Variants in PXDNL observed in about 807,000 individuals in gnomAD.
The protein encoded by PXDNL is probable oxidoreductase PXDNL.
A neutral mutation model predicts 150.8 loss-of-function variants in PXDNL; 145 were observed. That is an observed-to-expected ratio of 0.96 (90% CI 0.84 to 1.10). PXDNL has a LOEUF of 1.10. Among genes scored for constraint, PXDNL ranks in the 50% least tolerant of loss-of-function variants. The probability of loss-of-function intolerance (pLI) is 0.00; values close to 1 mark genes in which losing one functional copy is unlikely to be tolerated. For missense variants in PXDNL, 2,087 were observed against 1,873.9 expected (o/e 1.11, Z -2.10); for synonymous variants, 757 against 725.7 (o/e 1.04, Z -0.69).
At chr8:51,520,348 G>A (rs944135429) in intron 4 of PXDNL, among the ~76,000 whole-genome samples, 3 of 152,128 alleles carry the variant, frequency 2.0e-5, no homozygotes, top group African/African-American at 4.8e-5. Context: ...TAGAAGGGGC[G>A]AGCGCTTTGA....
At chr8:51,507,711 C>A (rs1176902952) in intron 4 of PXDNL, among the ~76,000 whole-genome samples, 2 of 152,194 alleles carry the variant, frequency 1.3e-5, no homozygotes, top group Non-Finnish European at 2.9e-5. Flanking sequence ...CCCCCTCCAT[C>A]CTCCCAGGGA....
intron 19 of PXDNL, among the ~76,000 whole-genome samples, chr8:51,347,882 T>G (rs1204898812): frequency 4.6e-5 from 7 of 152,000 alleles, no homozygotes; most frequent in African/African-American, 1.5e-4. Flanking sequence ...TAATAACGCA[T>G]AAATATTTGC....
At chr8:51,420,069 T>A (rs1808907118) in intron 14 of PXDNL, among the ~76,000 whole-genome samples, 1 of 152,218 alleles carries the variant, frequency 6.6e-6, no homozygotes, top group Non-Finnish European at 1.5e-5. Flanking sequence ...AAATTTTATA[T>A]AATGCGTAGA....
chr8:51,612,674 C>A (rs1814038279), intron 2 of PXDNL, among the ~76,000 whole-genome samples: 3 of 152,176 alleles, frequency 2.0e-5, no homozygotes, highest in South Asian at 4.1e-4. Context: ...AGCTCCCTCC[C>A]CAATTCCACC....
intron 4 of PXDNL, among the ~76,000 whole-genome samples, chr8:51,551,453 A>T (rs1812481814): frequency 6.6e-6 from 1 of 152,208 alleles, no homozygotes; most frequent in Non-Finnish European, 1.5e-5. Flanking sequence ...CCAAAACGGC[A>T]TGGTACTACT....
intron 4 of PXDNL, among the ~76,000 whole-genome samples, chr8:51,524,555 T>C (rs899311253): frequency 1.3e-5 from 2 of 152,122 alleles, no homozygotes; most frequent in African/African-American, 4.8e-5. Flanking sequence ...TAATATGGAG[T>C]GAAGCACAAA....
At chr8:51,780,557 G>A (rs1042112491) in intron 1 of PXDNL, among the ~76,000 whole-genome samples, 2 of 151,896 alleles carry the variant, frequency 1.3e-5, no homozygotes, top group Non-Finnish European at 1.5e-5. Context: ...ACTACCATAC[G>A]CTGAGTAGCT....
chr8:51,603,299 T>G (rs940437074), intron 2 of PXDNL, among the ~76,000 whole-genome samples: 5 of 152,006 alleles, frequency 3.3e-5, no homozygotes, highest in African/African-American at 1.2e-4. Flanking sequence ...AAAATTTCCT[T>G]TGCATATTTT....
At chr8:51,492,672 G>A (rs1445229099) in intron 5 of PXDNL, among the ~76,000 whole-genome samples, 1 of 152,184 alleles carries the variant, frequency 6.6e-6, no homozygotes, top group Non-Finnish European at 1.5e-5. Flanking sequence ...CGCCCACGGA[G>A]CCTCTCTCAT....
chr8:51,658,206 G>A (rs1265343903), intron 1 of PXDNL, among the ~76,000 whole-genome samples: 1 of 151,910 alleles, frequency 6.6e-6, no homozygotes, highest in Non-Finnish European at 1.5e-5. Flanking sequence ...GCCAGGCATG[G>A]TGGTACACAC....
At chr8:51,565,562 TA>T (rs936156487) in intron 3 of PXDNL, among the ~76,000 whole-genome samples, 106 of 151,308 alleles carry the variant, frequency 7.0e-4, no homozygotes, top group African/African-American at 2.5e-3. Context: ...TGAATAAGTA[TA>T]AAAAAAAGAT....
intron 1 of PXDNL, among the ~76,000 whole-genome samples, chr8:51,662,021 C>G (rs972921945): frequency 6.6e-6 from 1 of 151,944 alleles, no homozygotes; most frequent in Non-Finnish European, 1.5e-5. Flanking sequence ...AAATTCCCAT[C>G]CCACATCTAC....
intron 1 of PXDNL, among the ~76,000 whole-genome samples, chr8:51,705,372 C>T (rs918269850): frequency 2.6e-5 from 4 of 152,204 alleles, no homozygotes; most frequent in African/African-American, 9.7e-5. Context: ...CCTTAGGTTA[C>T]TTGGTCTGGC....
Position 51,391,662 on chromosome 8 carries a change from C to T in PXDNL, c.3557+16405G>A, listed in dbSNP as rs192497532. ...GGCCCTCTGTCAGATGAGCAGGTTG[C>T]GAAAATTTTCTCCCATTTTGTATGT... On this transcript the variant is annotated intron_variant, in intron 17 of 22. Coordinates refer to ENST00000356297, the MANE Select transcript of PXDNL (RefSeq NM_144651.5). 7.8e-4 allele frequency among the ~76,000 whole-genome samples: 119 copies of T among 152,154 alleles called. 1 individual carries two copies. The highest frequency in any genetic ancestry group is 2.6e-3 in the African/African-American group (107 of 41,500).
At chr8:51,496,770 T>TC (rs1303094115) in intron 5 of PXDNL, among the ~76,000 whole-genome samples, 1 of 152,010 alleles carries the variant, frequency 6.6e-6, no homozygotes, top group Admixed American at 6.6e-5. Flanking sequence ...AAACCACTGC[T>TC]CAATGAAATA....
At chr8:51,398,906 A>C (rs530221914) in intron 17 of PXDNL, among the ~76,000 whole-genome samples, 1 of 152,246 alleles carries the variant, frequency 6.6e-6, no homozygotes, top group Non-Finnish European at 1.5e-5. Flanking sequence ...TTATTGAATT[A>C]ACATTTAAAC....
At chr8:51,435,090 G>A (rs767891346) in intron 12 of PXDNL, among the ~76,000 whole-genome samples, 8 of 152,184 alleles carry the variant, frequency 5.3e-5, no homozygotes, top group South Asian at 2.1e-4. Context: ...AGGCCGAGGC[G>A]GGCAGATCAC....
At chr8:51,323,086 A>T (rs1805377396) in intron 21 of PXDNL, among the ~76,000 whole-genome samples, 1 of 152,182 alleles carries the variant, frequency 6.6e-6, no homozygotes, top group Non-Finnish European at 1.5e-5. Context: ...AAGTATGAAA[A>T]TCACAAAAAA....
chr8:51,476,362 C>G (rs1222630509), intron 6 of PXDNL, among the ~76,000 whole-genome samples: 1 of 152,148 alleles, frequency 6.6e-6, no homozygotes, highest in African/African-American at 2.4e-5. Context: ...CTGTGTTTTC[C>G]ACTTGCTCTA....
Sources: gnomAD v4.1 joint callset for allele counts (sites outside exome capture counted in the v4.1 genomes callset) on GRCh38, gnomAD v4.1.1 for gene constraint, MANE v1.5 for transcripts, NCBI Gene and HGNC (gene_info 2026-07-23, HGNC 2026-07-21) for gene names.